The following MCCC2 variants were observed in gnomAD, a reference collection of about 807,000 sequenced individuals.
MCCC2 encodes methylcrotonyl-CoA carboxylase subunit 2, also known as methylcrotonoyl-CoA carboxylase beta chain, mitochondrial.
In MCCC2, 52 loss-of-function variants were observed where a neutral mutation model predicts 77.2. The observed-to-expected ratio is 0.67, with a 90% CI of 0.54 to 0.85. The LOEUF is 0.85. Ranked by LOEUF, MCCC2 falls within the 40% of genes least tolerant of loss-of-function variation. The probability of loss-of-function intolerance (pLI) is 0.00; values close to 1 mark genes in which losing one functional copy is unlikely to be tolerated. For synonymous variants in MCCC2, 253 were observed against 248.4 expected (o/e 1.02, Z -0.18); for missense variants, 682 against 703.2 (o/e 0.97, Z 0.34).
In MCCC2 at chr5:71,602,590, C is replaced by T. The variant is rs781129100; in HGVS notation, c.468C>T (p.Ala156=). Residue 156 remains alanine, a synonymous_variant, in exon 5 of 17, where the codon GCC becomes GCT. Transcript: ENST00000340941. ...TGACTGTGAAAAAACAATTACGGGCCCAAGAAATTGCCATGCAAAACAGGC... is the reference window on the plus strand; with the variant it reads ...TGACTGTGAAAAAACAATTACGGGCTCAAGAAATTGCCATGCAAAACAGGC... ...YPVTVKKQLR[A]QEIAMQNRLP... is the part of the protein sequence containing the mutation. The T allele has an allele frequency of 6.2e-7, 1 of 1,614,046 alleles. No homozygotes were observed. Among genetic ancestry groups the T allele is most frequent in the Non-Finnish European group, 8.5e-7 (1 of 1,180,004 alleles).
At chr5:71,620,734 T>G (rs1044656209) in intron 6 of MCCC2, among the ~76,000 whole-genome samples, 1 of 152,206 alleles carries the variant, frequency 6.6e-6, no homozygotes, top group Non-Finnish European at 1.5e-5. Context: ...CATTTGCTTT[T>G]GCTTGGAAAT....
At chr5:71,604,742 CCACCA>C (rs1745601341) in intron 6 of MCCC2, among the ~76,000 whole-genome samples, 1 of 151,352 alleles carries the variant, frequency 6.6e-6, no homozygotes, top group South Asian at 2.1e-4. Flanking sequence ...TCCCCCCACC[CCACCA>C]CAGTCCCCAG....
At chr5:71,588,984 G>A (rs988860380) in intron 1 of MCCC2, among the ~76,000 whole-genome samples, 2 of 152,196 alleles carry the variant, frequency 1.3e-5, no homozygotes, top group African/African-American at 4.8e-5. Flanking sequence ...TATGGATATG[G>A]TAGAATCATC....
intron 7 of MCCC2, among the ~76,000 whole-genome samples, chr5:71,631,350 G>A (rs940405616): frequency 2.0e-5 from 3 of 152,066 alleles, no homozygotes; most frequent in Non-Finnish European, 4.4e-5. Flanking sequence ...AGGCCTGGGC[G>A]GGTCAGGAAA....
At chr5:71,652,501 A>G (rs1349188980) in intron 15 of MCCC2, among the ~76,000 whole-genome samples, 168 bp from the exon 16 acceptor site, 1 of 152,184 alleles carries the variant, frequency 6.6e-6, no homozygotes, top group East Asian at 1.9e-4. Context: ...CTTGATACTC[A>G]TGTCTTAGCG....
In MCCC2 at chr5:71,587,497, C is replaced by G. The variant is rs374686220; in HGVS notation, c.72C>G (p.His24Gln). The G allele has an allele frequency of 2.0e-6, 3 of 1,538,114 alleles. No homozygotes were observed. The highest frequency in any genetic ancestry group is 1.8e-4 in the Middle Eastern group (1 of 5,610). Reference sequence around the variant, plus strand: ...CTCCCGCCGGGCCGCGCGCCTATCACGGGGACTCGGTGGCCTCGCTGGGCA... The same window carrying G: ...CTCCCGCCGGGCCGCGCGCCTATCAGGGGGACTCGGTGGCCTCGCTGGGCA... ...RASPAGPRAY[H>Q]GDSVASLGTQ... The change falls in exon 1 of 17, where the codon CAC (histidine) becomes CAG (glutamine). Residue 24 changes from histidine (H) to glutamine (Q), a missense_variant. By Grantham distance (24) the His-to-Gln change is conservative (BLOSUM62 0). Coordinates refer to ENST00000340941, the MANE Select transcript of MCCC2 (RefSeq NM_022132.5).
chr5:71,623,556 G>A (rs866032303), intron 6 of MCCC2, among the ~76,000 whole-genome samples: 2 of 152,224 alleles, frequency 1.3e-5, no homozygotes, highest in Non-Finnish European at 2.9e-5. Context: ...GAGCAAGAGG[G>A]CCAGCAGGAT....
At chr5:71,592,686 A>T (rs779164518) in intron 1 of MCCC2, among the ~76,000 whole-genome samples, 2 of 152,180 alleles carry the variant, frequency 1.3e-5, no homozygotes, top group Non-Finnish European at 2.9e-5. Flanking sequence ...CAGAGGAGTA[A>T]GATATGGAGA....
At chr5:71,644,950 ATTTT>A (rs1398269139) in intron 12 of MCCC2, among the ~76,000 whole-genome samples, 2 of 152,092 alleles carry the variant, frequency 1.3e-5, no homozygotes, top group African/African-American at 4.8e-5. Flanking sequence ...ACATTTTATT[ATTTT>A]TTCTTAATAG....
At chr5:71,596,806 G>A (rs1338993532) in intron 3 of MCCC2, among the ~76,000 whole-genome samples, 2 of 152,108 alleles carry the variant, frequency 1.3e-5, no homozygotes, top group African/African-American at 4.8e-5. Context: ...TGGGCATGGT[G>A]GCATGTGCTT....
chr5:71,620,770 A>G (rs1259192152), intron 6 of MCCC2, among the ~76,000 whole-genome samples: 1 of 152,044 alleles, frequency 6.6e-6, no homozygotes, highest in Non-Finnish European at 1.5e-5. Context: ...TGTGGAGGGG[A>G]TGACAAGTAT....
At chr5:71,640,950 A>T (rs1747105004) in intron 10 of MCCC2, 53 bp from the exon 11 acceptor site, 2 of 1,513,062 alleles carry the variant, frequency 1.3e-6, no homozygotes, top group Non-Finnish European at 1.8e-6. Context: ...ACTTTAATAC[A>T]AAAATTCTTT....
chr5:71,600,598 A>T (rs949006467), intron 4 of MCCC2, among the ~76,000 whole-genome samples: 1 of 152,138 alleles, frequency 6.6e-6, no homozygotes, highest in African/African-American at 2.4e-5. Flanking sequence ...CCTTTATTAT[A>T]ATTCAAATTG....
intron 1 of MCCC2, among the ~76,000 whole-genome samples, chr5:71,588,168 C>T (rs1744835964): frequency 6.6e-6 from 1 of 151,214 alleles, no homozygotes; most frequent in Admixed American, 6.6e-5. Flanking sequence ...ACCTGGGAGG[C>T]TGAGGCAGGG....
chr5:71,624,007 T>TA (rs1414229861), intron 6 of MCCC2, among the ~76,000 whole-genome samples: 7 of 152,202 alleles, frequency 4.6e-5, no homozygotes, highest in African/African-American at 1.4e-4. Context: ...CTGGGTGTCT[T>TA]AAAAAACAGA....
intron 15 of MCCC2, 30 bp downstream of exon 15, chr5:71,650,213 G>A (rs1234853553): frequency 1.3e-6 from 2 of 1,598,430 alleles, no homozygotes; most frequent in East Asian, 2.2e-5. Flanking sequence ...GTTTCTCTCT[G>A]GTTTTGCCTC....
chr5:71,637,760 C>T (rs907709656), intron 10 of MCCC2, among the ~76,000 whole-genome samples: 3 of 151,936 alleles, frequency 2.0e-5, no homozygotes, highest in Non-Finnish European at 4.4e-5. Context: ...ACTCTGTCAC[C>T]CAGGCTGGAG....
rs188615749 is a variant in MCCC2, at chr5:71,590,025, T to C, written c.129+2471T>C. ...TCAGTGGCTCAGCTCCAATTCATTA[T>C]GACTGTCAGGCACTAACCTCTGTGG... On this transcript the variant is annotated intron_variant, in intron 1 of 16. Coordinates refer to ENST00000340941, the MANE Select transcript of MCCC2 (RefSeq NM_022132.5). 1.4e-3 allele frequency among the ~76,000 whole-genome samples: 209 copies of C among 152,306 alleles called. 1 individual carries two copies. The highest frequency in any genetic ancestry group is 2.3e-3 in the Non-Finnish European group (154 of 68,032).
Position 71,602,534 on chromosome 5 carries a change from G to A in MCCC2, c.412G>A (p.Ala138Thr), listed in dbSNP as rs1189214631. ...AGAATGCATGATTATTGCCAATGAT[G>A]CCACCGTCAAAGGAGGTGCCTACTA... ...GVECMIIAND[A>T]TVKGGAYYPV... The change falls in exon 5 of 17, where the codon GCC becomes ACC. Residue 138 changes from alanine (A) to threonine (T), a missense_variant. By Grantham distance (58) the Ala-to-Thr change is moderately conservative. Transcript: ENST00000340941. 1.2e-6 allele frequency: 2 copies of A among 1,614,056 alleles called. No homozygotes were observed. Among genetic ancestry groups the A allele is most frequent in the Non-Finnish European group, 1.7e-6 (2 of 1,180,018 alleles).
Sources: gnomAD v4.1 joint callset for allele counts (sites outside exome capture counted in the v4.1 genomes callset) on GRCh38, gnomAD v4.1.1 for gene constraint, MANE v1.5 for transcripts, NCBI Gene and HGNC (gene_info 2026-07-23, HGNC 2026-07-21) for gene names.